JADE3: variants seen among roughly 807,000 people sequenced by gnomAD.
JADE3 encodes the protein jade family PHD finger 3.
Under a neutral mutation model 50.1 loss-of-function variants are expected in JADE3, and 2 were observed. The observed-to-expected ratio is 0.04, with a 90% CI of 0.02 to 0.13. The LOEUF is 0.13. JADE3 is among the 10% of genes least tolerant of loss of function. The probability of loss-of-function intolerance (pLI) is 1.00; values close to 1 mark genes in which losing one functional copy is unlikely to be tolerated. For synonymous variants in JADE3, 218 were observed against 232.9 expected, an observed-to-expected ratio of 0.94 and a Z score of 0.58; for missense variants, 475 against 634.4, an observed-to-expected ratio of 0.75 and a Z score of 2.70.
At position 46,988,094 on chromosome X, in the gene JADE3, T is replaced by C. The variant is rs188319064; in HGVS notation, c.126+2302T>C. Reference sequence around the variant, plus strand: ...GTGCCAAAAGCTTTACATTAAATAGTTTGTTTCCCAAATTTAAACAATTAT... The same window carrying C: ...GTGCCAAAAGCTTTACATTAAATAGCTTGTTTCCCAAATTTAAACAATTAT... On this transcript the variant is annotated intron_variant, in intron 3 of 10. Coordinates refer to ENST00000614628, the MANE Select transcript of JADE3 (RefSeq NM_014735.5). Among the ~76,000 whole-genome samples, 3 of 111,796 alleles carry C rather than the reference T, an allele frequency of 2.7e-5. No homozygotes were observed. The East Asian group carries it at 8.4e-4, about 31-fold the overall frequency.
chrX:46,967,852 A>G (rs1172275714), intron 1 of JADE3, among the ~76,000 whole-genome samples: 1 of 112,497 alleles, frequency 8.9e-6, no homozygotes, highest in Non-Finnish European at 1.9e-5. Context: ...TCAGAATGCT[A>G]ATAAGTAGTG....
At chrX:46,936,094 C>T (rs1295759735) in intron 1 of JADE3, among the ~76,000 whole-genome samples, 2 of 106,713 alleles carry the variant, frequency 1.9e-5, no homozygotes, top group Non-Finnish European at 1.9e-5. Context: ...TCTTGGCTCA[C>T]TGAAACCTCC....
At chrX:47,052,286 GAAT>G (rs1929527127) in intron 8 of JADE3, among the ~76,000 whole-genome samples, 1 of 109,052 alleles carries the variant, frequency 9.2e-6, no homozygotes, top group African/African-American at 3.3e-5. Flanking sequence ...CTGAATGGCA[GAAT>G]ATTATAAACT....
rs1263047798 is a variant in JADE3, at chrX:47,058,648, C to T, written c.2043C>T (p.Asp681=). 21 of 1,209,718 alleles carry T rather than the reference C, an allele frequency of 1.7e-5. No individual in the cohort carries two copies. The highest frequency in any genetic ancestry group is 2.2e-5 in the Non-Finnish European group (20 of 895,207). Residue 681 remains aspartate, a synonymous_variant, in exon 11 of 11, where the codon GAC becomes GAT. Transcript: ENST00000614628. ...GSWSGNVTQK[D]SSSEMFCDQE... ...GGTCTGGGAATGTCACCCAAAAAGA[C>T]AGCTCGAGTGAGATGTTCTGTGACC...
At chrX:46,957,270 A>G (rs921398064) in intron 1 of JADE3, among the ~76,000 whole-genome samples, 3 of 104,657 alleles carry the variant, frequency 2.9e-5, no homozygotes, top group Non-Finnish European at 6.0e-5. Context: ...TAAACGATAT[A>G]TAGATTTGTT....
chrX:46,979,691 T>C (rs1927699254), intron 1 of JADE3, among the ~76,000 whole-genome samples: 1 of 110,826 alleles, frequency 9.0e-6, no homozygotes, highest in South Asian at 3.8e-4. Context: ...AGTGATATAG[T>C]TTCTCTACAC....
Position 46,923,334 on chromosome X carries a change from T to C in JADE3, c.-12+10615T>C, listed in dbSNP as rs1602369444. On this transcript the variant is annotated intron_variant, in intron 1 of 10. Transcript: ENST00000614628. Reference sequence around the variant, plus strand: ...CCAGCAAGAGTTGACCTGTTTGATATTGGGTTTGTTTTGTTTTGCTGTGGG... The same window carrying C: ...CCAGCAAGAGTTGACCTGTTTGATACTGGGTTTGTTTTGTTTTGCTGTGGG... Among the ~76,000 whole-genome samples, 3 of 105,993 alleles carry C rather than the reference T, an allele frequency of 2.8e-5. No homozygotes were observed. The South Asian group carries it at 1.3e-3, about 47-fold the overall frequency. The allele number at this position is 105,993 out of a possible 115,157, so 92.0% of individuals were successfully genotyped here.
chrX:46,941,008 C>T (rs1459477284), intron 1 of JADE3, among the ~76,000 whole-genome samples: 1 of 110,358 alleles, frequency 9.1e-6, no homozygotes, highest in Non-Finnish European at 1.9e-5. Context: ...TGCATGACAT[C>T]GAGGTTTAGG....
At chrX:46,984,682 T>C (rs191564607) in intron 1 of JADE3, among the ~76,000 whole-genome samples, 25 of 112,447 alleles carry the variant, frequency 2.2e-4, no homozygotes, top group Admixed American at 2.0e-3. Context: ...TGGCCTTTCT[T>C]AGTCTTTGAC....
chrX:46,915,576 G>A (rs1221506803), intron 1 of JADE3, among the ~76,000 whole-genome samples: 2 of 111,163 alleles, frequency 1.8e-5, no homozygotes, highest in Admixed American at 9.5e-5. Flanking sequence ...ACAAATAAAC[G>A]GGTACTAGCA....
At chrX:47,026,491 A>AG (rs1241220523) in intron 5 of JADE3, among the ~76,000 whole-genome samples, 4 of 110,759 alleles carry the variant, frequency 3.6e-5, no homozygotes, top group South Asian at 3.8e-4. Flanking sequence ...TGGGATTTCA[A>AG]GGTTTTTTTT....
chrX:46,977,687 G>A lies in JADE3; in HGVS notation c.-11-7197G>A, dbSNP rs1339725871. On this transcript the variant is annotated intron_variant, in intron 1 of 10. Transcript: ENST00000614628. Reference sequence around the variant, plus strand: ...GCAGAACCTGAGACAGTATTCAAATGCACATGATTTATTGAGGAGTGTTCT... The same window carrying A: ...GCAGAACCTGAGACAGTATTCAAATACACATGATTTATTGAGGAGTGTTCT... 3.6e-5 allele frequency among the ~76,000 whole-genome samples: 4 copies of A among 111,958 alleles called. No homozygotes were observed. In the East Asian group the frequency reaches 1.1e-3, roughly 31 times the overall value.
chrX:47,008,878 T>C (rs1928496723), intron 4 of JADE3, among the ~76,000 whole-genome samples: 1 of 111,631 alleles, frequency 9.0e-6, no homozygotes, highest in Non-Finnish European at 1.9e-5. Flanking sequence ...CAAAACTTTA[T>C]ACATTTAAGA....
At chrX:46,946,335 G>A (rs979400316) in intron 1 of JADE3, among the ~76,000 whole-genome samples, 3 of 111,428 alleles carry the variant, frequency 2.7e-5, no homozygotes, top group Admixed American at 9.5e-5. Flanking sequence ...GACTTAAGAG[G>A]CAGTTGGCAG....
intron 1 of JADE3, among the ~76,000 whole-genome samples, chrX:46,952,751 A>C (rs1170064188): frequency 1.8e-5 from 2 of 111,917 alleles, no homozygotes; most frequent in Non-Finnish European, 3.8e-5. Flanking sequence ...TAATCCCAGC[A>C]CTTTGGGAGG....
rs190226980 is a variant in JADE3, at chrX:46,995,339, T to A, written c.127-2781T>A. Among the ~76,000 whole-genome samples, 3 of 111,536 alleles carry A rather than the reference T, an allele frequency of 2.7e-5. No homozygotes were observed. In the East Asian group the frequency reaches 8.4e-4, roughly 31 times the overall value. Reference sequence around the variant, plus strand: ...CCACCACGCCTGGCCTAAGATTTTTTAATTATATAAAGTATTTGCCTGCTT... The same window carrying A: ...CCACCACGCCTGGCCTAAGATTTTTAAATTATATAAAGTATTTGCCTGCTT... On this transcript the variant is annotated intron_variant, in intron 3 of 10. Transcript: ENST00000614628.
chrX:46,943,834 CT>C (rs1727285543), intron 1 of JADE3, among the ~76,000 whole-genome samples: 1 of 111,623 alleles, frequency 9.0e-6, no homozygotes. Flanking sequence ...GTGAATACAT[CT>C]GTTCCAGAGC....
chrX:46,942,287 A>G (rs1282692746), intron 1 of JADE3, among the ~76,000 whole-genome samples: 2 of 111,727 alleles, frequency 1.8e-5, no homozygotes, highest in Non-Finnish European at 3.8e-5. Context: ...TTCTTTGGCA[A>G]GGCTGATGTC....
chrX:47,023,444 C>T (rs1483519051), intron 4 of JADE3, among the ~76,000 whole-genome samples: 3 of 111,844 alleles, frequency 2.7e-5, no homozygotes, highest in Admixed American at 9.5e-5. Context: ...AGGACATGAT[C>T]TCATTTTTTT....
Sources: allele counts gnomAD v4.1 joint callset (sites outside exome capture counted in the v4.1 genomes callset), GRCh38; gene constraint gnomAD v4.1.1; transcripts MANE v1.5; gene names NCBI Gene and HGNC (gene_info 2026-07-23, HGNC 2026-07-21).